Variants in PSMD14 observed in about 807,000 individuals in gnomAD.
PSMD14 encodes ubiquitin C-terminal hydrolase PSMD14.
PSMD14 carries 7 observed loss-of-function variants against 41.2 expected under a neutral mutation model. The ratio of observed to expected loss-of-function variants is 0.17; its 90% CI spans 0.10 to 0.32. PSMD14 has a LOEUF of 0.32. Among genes scored for constraint, PSMD14 ranks in the 10% least tolerant of loss-of-function variants. PSMD14 has a pLI of 1.00. For synonymous variants in PSMD14, 114 were observed against 122.3 expected, an observed-to-expected ratio of 0.93 and a Z score of 0.45; for missense variants, 139 against 375.6, an observed-to-expected ratio of 0.37 and a Z score of 5.21.
intron 3 of PSMD14, among the ~76,000 whole-genome samples, chr2:161,319,805 G>T (rs1265454960): frequency 6.6e-6 from 1 of 152,096 alleles, no homozygotes; most frequent in African/African-American, 2.4e-5. Context: ...TGTTTTAGAA[G>T]AACTTTCATA....
intron 7 of PSMD14, among the ~76,000 whole-genome samples, chr2:161,375,813 C>A (rs1002694006): frequency 1.3e-5 from 2 of 151,790 alleles, no homozygotes; most frequent in Non-Finnish European, 2.9e-5. Flanking sequence ...GAGTGGATCG[C>A]TAGAGCCCAG....
At chr2:161,383,092 C>T (rs940077839) in intron 7 of PSMD14, 4 of 151,692 alleles carry the variant, frequency 2.6e-5, no homozygotes, top group African/African-American at 9.7e-5. Context: ...CCTTCTTCAC[C>T]CATTGCTCAT....
intron 3 of PSMD14, among the ~76,000 whole-genome samples, chr2:161,327,013 A>G (rs929818590): frequency 1.3e-5 from 2 of 152,144 alleles, no homozygotes; most frequent in South Asian, 4.1e-4. Flanking sequence ...CTGATTGTAC[A>G]TACAATGGAA....
At chr2:161,343,846 C>A (rs1683002229) in intron 3 of PSMD14, among the ~76,000 whole-genome samples, 1 of 149,524 alleles carries the variant, frequency 6.7e-6, no homozygotes. Context: ...AAAAAAATGT[C>A]TTTGAGTCTC....
chr2:161,368,896 A>G (rs541325959), intron 5 of PSMD14, among the ~76,000 whole-genome samples: 3 of 152,114 alleles, frequency 2.0e-5, no homozygotes, highest in Non-Finnish European at 2.9e-5. Flanking sequence ...AGAATGCAAT[A>G]TATTTAAAAT....
rs111297957 is a variant in PSMD14 at position 161,313,810 on chromosome 2, A to G, written c.-137-2627A>G. ...TTGTGTAGATCAGTTCTGTATTTCA[A>G]ATACATTTCTAGTAGGCGCTAGCTG... On this transcript the variant is annotated intron_variant, in intron 1 of 11. Transcript: ENST00000409682. Among the ~76,000 whole-genome samples the G allele has an allele frequency of 5.9e-5, 9 of 151,934 alleles. 1 individual carries two copies. Among genetic ancestry groups the G allele is most frequent in the African/African-American group, 2.2e-4 (9 of 41,414 alleles).
At chr2:161,339,494 G>C (rs1682916856) in intron 3 of PSMD14, among the ~76,000 whole-genome samples, 1 of 115,388 alleles carries the variant, frequency 8.7e-6, no homozygotes, top group Non-Finnish European at 1.7e-5. Flanking sequence ...TTTTGTTAAT[G>C]AATTTTTTTT....
At chr2:161,346,114 C>A (rs942042888) in intron 3 of PSMD14, among the ~76,000 whole-genome samples, 16 of 152,310 alleles carry the variant, frequency 1.1e-4, no homozygotes, top group Admixed American at 9.2e-4. Context: ...AACTCCTGGG[C>A]TCCGGTGATC....
intron 1 of PSMD14, among the ~76,000 whole-genome samples, 190 bp from the exon 2 acceptor site, chr2:161,316,247 G>A (rs1388167542): frequency 1.3e-5 from 2 of 152,172 alleles, no homozygotes; most frequent in African/African-American, 2.4e-5. Flanking sequence ...TTTGGATACA[G>A]GGTTAATCAC....
chr2:161,312,922 AG>A (rs1388696127), intron 1 of PSMD14, among the ~76,000 whole-genome samples: 6 of 152,252 alleles, frequency 3.9e-5, no homozygotes, highest in African/African-American at 7.2e-5. Flanking sequence ...AAACTATGTG[AG>A]GAAGAAGGAT....
At chr2:161,377,229 CTCTTT>C (rs1683515953) in intron 7 of PSMD14, among the ~76,000 whole-genome samples, 1 of 151,932 alleles carries the variant, frequency 6.6e-6, no homozygotes, top group Non-Finnish European at 1.5e-5. Flanking sequence ...TTATACACAC[CTCTTT>C]TCTTTGTCTA....
chr2:161,393,608 C>T (rs1183350358), intron 9 of PSMD14, among the ~76,000 whole-genome samples: 1 of 152,136 alleles, frequency 6.6e-6, no homozygotes, highest in Non-Finnish European at 1.5e-5. Context: ...CCCCCATATA[C>T]CTCCAAGTAC....
chr2:161,351,898 A>G (rs1311093944), intron 3 of PSMD14, among the ~76,000 whole-genome samples: 2 of 152,224 alleles, frequency 1.3e-5, no homozygotes, highest in East Asian at 3.8e-4. Context: ...TCAAGAGGTT[A>G]GGGAAGTGCA....
intron 3 of PSMD14, among the ~76,000 whole-genome samples, chr2:161,353,927 T>G (rs1683155385): frequency 1.3e-5 from 2 of 152,248 alleles, no homozygotes; most frequent in African/African-American, 4.8e-5. Flanking sequence ...AATTATGAAT[T>G]ATGGGTGCTT....
intron 7 of PSMD14, chr2:161,381,481 G>A (rs1219366957): frequency 2.0e-5 from 3 of 151,762 alleles, no homozygotes; most frequent in Non-Finnish European, 4.4e-5. Context: ...AAGTGTTTGT[G>A]TATTTTTTTT....
intron 11 of PSMD14, 56 bp downstream of exon 11, chr2:161,408,955 T>A: frequency 7.1e-7 from 1 of 1,416,982 alleles, no homozygotes; most frequent in South Asian, 1.2e-5. Flanking sequence ...TCTTATAGAG[T>A]TAAAACTGTT....
chr2:161,387,090 C>T (rs1199222325), intron 8 of PSMD14, among the ~76,000 whole-genome samples: 1 of 151,872 alleles, frequency 6.6e-6, no homozygotes, highest in African/African-American at 2.4e-5. Context: ...GTTTTGCCTT[C>T]CAGTTAGAAC....
intron 6 of PSMD14, 28 bp downstream of exon 6, chr2:161,370,205 A>T (rs746686372): frequency 1.5e-5 from 21 of 1,409,252 alleles, no homozygotes; most frequent in Non-Finnish European, 2.0e-5. Flanking sequence ...TCAGTTAAAG[A>T]AATAATGGGA....
At chr2:161,398,648 C>T (rs1683835278) in intron 10 of PSMD14, among the ~76,000 whole-genome samples, 1 of 151,504 alleles carries the variant, frequency 6.6e-6, no homozygotes, top group African/African-American at 2.4e-5. Context: ...AAAAATTTGC[C>T]TTTTTTTTCC....
Sources: gnomAD v4.1 joint callset for allele counts (sites outside exome capture counted in the v4.1 genomes callset) on GRCh38, gnomAD v4.1.1 for gene constraint, MANE v1.5 for transcripts, NCBI Gene and HGNC (gene_info 2026-07-23, HGNC 2026-07-21) for gene names.